The following PMAIP1 variants were observed in gnomAD, a reference collection of about 807,000 sequenced individuals.
The protein encoded by PMAIP1 is PMA-induced protein 1.
Under a neutral mutation model 3.7 loss-of-function variants are expected in PMAIP1, and 3 were observed. The ratio of observed to expected loss-of-function variants is 0.82; its 90% CI spans 0.37 to 2.12. The LOEUF (loss-of-function observed/expected upper bound fraction) is 2.12, where lower values mean the gene tolerates loss of function less well. PMAIP1 is among the 30% of genes most tolerant of loss of function. PMAIP1 has a pLI of 0.06. For missense variants in PMAIP1, 77 were observed against 67.1 expected (o/e 1.15, Z -0.52); for synonymous variants, 29 against 26.2 (o/e 1.11, Z -0.32).
chr18:59,901,696 A>G (rs1306661777), intron 1 of PMAIP1, among the ~76,000 whole-genome samples: 1 of 152,174 alleles, frequency 6.6e-6, no homozygotes. Flanking sequence ...TGATTTTTTA[A>G]TGTTTGTAAT....
Position 59,903,141 on chromosome 18 carries a change from G to C in PMAIP1, c.*388G>C. The C allele has an allele frequency of 2.2e-6, 1 of 456,856 alleles. No individual in the cohort carries two copies. The highest frequency in any genetic ancestry group is 4.0e-6 in the Non-Finnish European group (1 of 253,112). 28.3% of individuals were successfully genotyped at this position (456,856 alleles called of 1,614,324 possible). On this transcript the variant is annotated 3_prime_UTR_variant, in exon 2 of 2. Transcript: ENST00000316660. ...TAGACTGGGCGGCTGGGGAGAAACAGTTCAGTGCATTGTTGTTGTTGCTGT... is the reference window on the plus strand; with the variant it reads ...TAGACTGGGCGGCTGGGGAGAAACACTTCAGTGCATTGTTGTTGTTGCTGT...
intron 1 of PMAIP1, 71 bp downstream of exon 1, chr18:59,900,306 GGGC>G: frequency 6.6e-7 from 1 of 1,516,880 alleles, no homozygotes; most frequent in Admixed American, 2.0e-5. Context: ...GTCTCGGCTG[GGGC>G]GGGCTCAGCT....
rs2055785154 is a variant in PMAIP1, at chr18:59,903,105, T to C, written c.*352T>C. 5.6e-6 allele frequency: 3 copies of C among 536,390 alleles called. No individual in the cohort carries two copies. Among genetic ancestry groups the C allele is most frequent in the African/African-American group, 1.9e-5 (1 of 52,816 alleles). The allele number at this position is 536,390 out of a possible 1,614,324, so 33.2% of individuals were successfully genotyped here. On this transcript the variant is annotated 3_prime_UTR_variant, in exon 2 of 2. Coordinates refer to ENST00000316660, the MANE Select transcript of PMAIP1 (RefSeq NM_021127.3). ...ACCGCTGGCCTACTGTGAAGGGAGATGACCTGTGATTAGACTGGGCGGCTG... is the reference window on the plus strand; with the variant it reads ...ACCGCTGGCCTACTGTGAAGGGAGACGACCTGTGATTAGACTGGGCGGCTG...
intron 1 of PMAIP1, 47 bp downstream of exon 1, chr18:59,900,282 G>T: frequency 1.3e-6 from 2 of 1,530,702 alleles, no homozygotes; most frequent in Non-Finnish European, 1.8e-6. Context: ...GGCGGGGTCG[G>T]GGCCGGGGTC....
rs771025863 is a variant in PMAIP1, at chr18:59,902,856, G to A, written c.*103G>A. 1.6e-5 allele frequency: 25 copies of A among 1,579,268 alleles called. No homozygotes were observed. The highest frequency in any genetic ancestry group is 2.2e-5 in the Non-Finnish European group (25 of 1,159,314). ...AGACTGCATTGTAATTGAGAGGAAT[G>A]TGAAGGTGCATTCATGGGTGCCCTT... On this transcript the variant is annotated 3_prime_UTR_variant, in exon 2 of 2. Transcript: ENST00000316660.
At chr18:59,900,586 GC>G in intron 1 of PMAIP1, 1 of 1,550,048 alleles carries the variant, frequency 6.5e-7, no homozygotes, top group Non-Finnish European at 8.7e-7. Flanking sequence ...AGTGTAGGCG[GC>G]TGTCTCTAGG....
Position 59,904,147 on chromosome 18 carries a change from ATTAC to A in PMAIP1, c.*1398_*1401del, listed in dbSNP as rs1319647872. On this transcript the variant is annotated 3_prime_UTR_variant, in exon 2 of 2. Transcript: ENST00000316660. ...TTACCTCACATCTGTTTTCTTCAGT[ATTAC>A]TTAAGATTGTTTATTTAGTGGTAGA... 7 of 151,966 alleles carry A rather than the reference ATTAC, an allele frequency of 4.6e-5. No individual in the cohort carries two copies. The East Asian group carries it at 1.2e-3, about 25-fold the overall frequency. The allele number at this position is 151,966 out of a possible 1,614,324, so 9.4% of individuals were successfully genotyped here.
chr18:59,900,157 T>C lies in PMAIP1; in HGVS notation c.-21T>C, dbSNP rs1252499079. The C allele has an allele frequency of 6.4e-7, 1 of 1,554,880 alleles. No individual in the cohort carries two copies. Among genetic ancestry groups the C allele is most frequent in the East Asian group, 2.3e-5 (1 of 42,840 alleles). On this transcript the variant is annotated 5_prime_UTR_variant, in exon 1 of 2. Coordinates refer to ENST00000316660, the MANE Select transcript of PMAIP1 (RefSeq NM_021127.3). ...GAGGTTCCCGGGCTCTGTAGCTGAG[T>C]GGGCGGCGGCACCGGCGGAGATGCC...
intron 1 of PMAIP1, 159 bp downstream of exon 1, chr18:59,900,394 C>G: frequency 6.5e-7 from 1 of 1,548,822 alleles, no homozygotes; most frequent in Non-Finnish European, 8.7e-7. Context: ...GCCTTAGGGG[C>G]GCCTCCAGAA....
intron 1 of PMAIP1, chr18:59,900,519 C>T (rs1401216297): frequency 3.9e-6 from 6 of 1,550,422 alleles, no homozygotes; most frequent in Non-Finnish European, 5.2e-6. Flanking sequence ...AGCTCCTTTC[C>T]TCCTCTCTTT....
At position 59,903,221 on chromosome 18, in the gene PMAIP1, A is replaced by G. The variant is rs572904263; in HGVS notation, c.*468A>G. ...CAGCACATTGTATATGATTCGGTTT[A>G]TACATATTACCTTGTTATAATGAAA... On this transcript the variant is annotated 3_prime_UTR_variant, in exon 2 of 2. Transcript: ENST00000316660. 55 of 240,904 alleles carry G rather than the reference A, an allele frequency of 2.3e-4. 1 individual carries two copies. The highest frequency in any genetic ancestry group is 4.0e-4 in the Non-Finnish European group (49 of 121,266). The allele number at this position is 240,904 out of a possible 1,614,324, so 14.9% of individuals were successfully genotyped here.
At chr18:59,900,762 G>A in intron 1 of PMAIP1, 1 of 624,188 alleles carries the variant, frequency 1.6e-6, no homozygotes, top group Non-Finnish European at 2.7e-6. Flanking sequence ...TAGGAGAATA[G>A]GAGTTAGTCC....
chr18:59,902,913 T>C lies in PMAIP1; in HGVS notation c.*160T>C. ...GGAAGATGGAATACATCAAAGTGAA[T>C]TTCTGTTCAAGTTTTCCCAGATTAT... On this transcript the variant is annotated 3_prime_UTR_variant, in exon 2 of 2. Transcript: ENST00000316660. 3 of 1,203,276 alleles carry C rather than the reference T, an allele frequency of 2.5e-6. No homozygotes were observed. In the Admixed American group the frequency reaches 6.2e-5, roughly 25 times the overall value. 74.5% of individuals were successfully genotyped at this position (1,203,276 alleles called of 1,614,324 possible). A position where few individuals can be genotyped will look rare whatever the true frequency, so the allele number is the denominator to read the frequency against.
chr18:59,901,038 A>G (rs936163566), intron 1 of PMAIP1, among the ~76,000 whole-genome samples: 1 of 152,090 alleles, frequency 6.6e-6, no homozygotes, highest in African/African-American at 2.4e-5. Flanking sequence ...GACCATGCCT[A>G]AGTTGGTAAC....
chr18:59,901,655 A>G (rs1382624372), intron 1 of PMAIP1, among the ~76,000 whole-genome samples: 1 of 152,246 alleles, frequency 6.6e-6, no homozygotes, highest in Non-Finnish European at 1.5e-5. Flanking sequence ...GGGTCGATTT[A>G]TAAAATAGAC....
At chr18:59,901,115 A>G (rs2055764805) in intron 1 of PMAIP1, among the ~76,000 whole-genome samples, 1 of 152,136 alleles carries the variant, frequency 6.6e-6, no homozygotes, top group African/African-American at 2.4e-5. Flanking sequence ...ATGTCTTAGG[A>G]TTCTGACCTT....
In PMAIP1 at chr18:59,900,074, G is replaced by A; in HGVS notation, c.-104G>A. The A allele has an allele frequency of 7.8e-7, 1 of 1,286,578 alleles. No homozygotes were observed. 79.7% of individuals were successfully genotyped at this position (1,286,578 alleles called of 1,614,324 possible). On this transcript the variant is annotated 5_prime_UTR_variant, in exon 1 of 2. Transcript: ENST00000316660. Reference sequence around the variant, plus strand: ...CCCGATCCCAGCATCCCTGCCTGCAGGACTGTTCGTGTTCAGCTCGCGTCC... The same window carrying A: ...CCCGATCCCAGCATCCCTGCCTGCAAGACTGTTCGTGTTCAGCTCGCGTCC...
At chr18:59,902,344 G>A (rs942860257) in intron 1 of PMAIP1, among the ~76,000 whole-genome samples, 1 of 152,172 alleles carries the variant, frequency 6.6e-6, no homozygotes, top group East Asian at 1.9e-4. Context: ...GAATGATAAT[G>A]CTACTCTTTG....
rs771048047 is a variant in PMAIP1 at position 59,902,724 on chromosome 18, A to T, written c.136A>T (p.Ile46Leu). Residue 46 changes from isoleucine to leucine, a missense_variant, in exon 2 of 2, where the codon ATA (isoleucine) becomes TTA (leucine). Transcript: ENST00000316660. ...LNFRQKLLNL[I>L]SKLFCSGT is the part of the protein sequence containing the mutation. ...CTTCCGGCAGAAACTTCTGAATCTG[A>T]TATCCAAACTCTTCTGCTCAGGAAC... The T allele has an allele frequency of 5.0e-6, 8 of 1,614,090 alleles. No individual in the cohort carries two copies. Among genetic ancestry groups the T allele is most frequent in the African/African-American group, 1.3e-5 (1 of 74,942 alleles).
Sources: allele counts gnomAD v4.1 joint callset (sites outside exome capture counted in the v4.1 genomes callset), GRCh38; gene constraint gnomAD v4.1.1; transcripts MANE v1.5; gene names NCBI Gene and HGNC (gene_info 2026-07-23, HGNC 2026-07-21).